Variants in MECOM observed in about 807,000 individuals in gnomAD.
MECOM encodes the protein histone-lysine N-methyltransferase MECOM.
In MECOM, 13 loss-of-function variants were observed where a neutral mutation model predicts 116.3. The observed-to-expected ratio is 0.11, with a 90% confidence interval of 0.07 to 0.18. MECOM has a LOEUF of 0.18. Among genes scored for constraint, MECOM ranks in the 10% least tolerant of loss-of-function variants. The pLI, the probability that MECOM is intolerant of heterozygous loss-of-function variation, is 1.00. For synonymous variants in MECOM, 528 were observed against 535.2 expected (o/e 0.99, Z 0.19); for missense variants, 1,299 against 1,509.0 (o/e 0.86, Z 2.31).
At chr3:169,587,798 G>C (rs9883494) in intron 1 of MECOM, among the ~76,000 whole-genome samples, 2 of 151,756 alleles carry the variant, frequency 1.3e-5, no homozygotes, top group Admixed American at 1.3e-4. Flanking sequence ...TTCCAGTTGC[G>C]TCTCCATGTC....
intron 2 of MECOM, among the ~76,000 whole-genome samples, chr3:169,349,434 AC>A (rs753660994): frequency 1.1e-4 from 17 of 151,894 alleles, no homozygotes; most frequent in African/African-American, 4.1e-4. Context: ...TCCTATGGAT[AC>A]AGGTATGCAT....
At chr3:169,310,898 C>A (rs1346127042) in intron 2 of MECOM, among the ~76,000 whole-genome samples, 1 of 152,200 alleles carries the variant, frequency 6.6e-6, no homozygotes, top group African/African-American at 2.4e-5. Context: ...ACATGACCTG[C>A]AGCCTCTATC....
chr3:169,596,903 T>C (rs747149742), intron 1 of MECOM, among the ~76,000 whole-genome samples: 3 of 152,182 alleles, frequency 2.0e-5, no homozygotes, highest in Non-Finnish European at 4.4e-5. Flanking sequence ...TCAAACACAT[T>C]AGCATTTTTT....
At chr3:169,461,697 C>T (rs541727217) in intron 1 of MECOM, among the ~76,000 whole-genome samples, 10 of 152,164 alleles carry the variant, frequency 6.6e-5, no homozygotes, top group East Asian at 5.8e-4. Context: ...AAGTTATAGA[C>T]GCATATAAGT....
intron 1 of MECOM, among the ~76,000 whole-genome samples, chr3:169,431,528 A>G (rs1325387795): frequency 6.6e-6 from 1 of 152,222 alleles, no homozygotes; most frequent in Non-Finnish European, 1.5e-5. Flanking sequence ...ACCACAAGAA[A>G]AAAAAGCCCT....
chr3:169,371,824 G>T (rs1371831179), intron 2 of MECOM, among the ~76,000 whole-genome samples: 1 of 151,986 alleles, frequency 6.6e-6, no homozygotes, highest in Non-Finnish European at 1.5e-5. Context: ...TCTTAGAAGT[G>T]CAATGTTGCT....
chr3:169,408,433 C>G (rs1230051406), intron 1 of MECOM, among the ~76,000 whole-genome samples: 1 of 152,216 alleles, frequency 6.6e-6, no homozygotes, highest in African/African-American at 2.4e-5. Context: ...GGCCTTCCTG[C>G]TCCTTCAATT....
chr3:169,205,212 C>T (rs1339470504), intron 2 of MECOM, among the ~76,000 whole-genome samples: 2 of 152,022 alleles, frequency 1.3e-5, no homozygotes, highest in Admixed American at 1.3e-4. Context: ...AGTTATAAAC[C>T]CCTCAAAAAC....
At chr3:169,282,434 A>G (rs1432406463) in intron 2 of MECOM, among the ~76,000 whole-genome samples, 3 of 152,332 alleles carry the variant, frequency 2.0e-5, no homozygotes, top group Non-Finnish European at 2.9e-5. Context: ...GGAGAAGATA[A>G]CATGTCTGTG....
At chr3:169,615,561 TCA>T (rs1233727972) in intron 1 of MECOM, among the ~76,000 whole-genome samples, 2 of 152,180 alleles carry the variant, frequency 1.3e-5, no homozygotes, top group East Asian at 3.9e-4. Context: ...AGATTACTCC[TCA>T]CACACACACC....
At chr3:169,273,496 C>T (rs1020923514) in intron 2 of MECOM, among the ~76,000 whole-genome samples, 1 of 152,164 alleles carries the variant, frequency 6.6e-6, no homozygotes, top group Non-Finnish European at 1.5e-5. Flanking sequence ...CCCCCATCAA[C>T]ACTAAAACTA....
chr3:169,591,934 C>T (rs747720954), intron 1 of MECOM, among the ~76,000 whole-genome samples: 1 of 152,074 alleles, frequency 6.6e-6, no homozygotes. Flanking sequence ...CTCATAAAAT[C>T]AATGCTGTTG....
chr3:169,163,515 G>A (rs370847082), intron 2 of MECOM, among the ~76,000 whole-genome samples: 7 of 152,096 alleles, frequency 4.6e-5, no homozygotes, highest in African/African-American at 1.7e-4. Flanking sequence ...AGAAAGCTTA[G>A]TATACATCAT....
chr3:169,563,564 G>T (rs1762900753), intron 1 of MECOM, among the ~76,000 whole-genome samples: 1 of 152,150 alleles, frequency 6.6e-6, no homozygotes, highest in South Asian at 2.1e-4. Context: ...AATTTGGAAA[G>T]TGGAGCAAAT....
chr3:169,153,528 C>T (rs892588568), intron 2 of MECOM, among the ~76,000 whole-genome samples: 1 of 152,106 alleles, frequency 6.6e-6, no homozygotes, highest in African/African-American at 2.4e-5. Flanking sequence ...ATAAGGAATT[C>T]ATTTTTCATT....
At chr3:169,472,737 AGG>A (rs1323996544) in intron 1 of MECOM, among the ~76,000 whole-genome samples, 14 of 148,064 alleles carry the variant, frequency 9.5e-5, no homozygotes, top group African/African-American at 3.2e-4. Context: ...GAAGGAAGGA[AGG>A]AAGGAAGGAA....
intron 1 of MECOM, among the ~76,000 whole-genome samples, chr3:169,485,914 T>TATATA (rs1560340092): frequency 0.053 from 3,281 of 61,606 alleles, 102 homozygotes; most frequent in East Asian, 0.16. Context: ...TATATATGTA[T>TATATA]GTATATATAG....
intron 1 of MECOM, among the ~76,000 whole-genome samples, chr3:169,662,653 C>T (rs1165902577): frequency 2.0e-5 from 3 of 151,370 alleles, no homozygotes; most frequent in Admixed American, 6.6e-5. Context: ...CGCAGCGCCG[C>T]GCCGGAGAGC....
intron 1 of MECOM, among the ~76,000 whole-genome samples, chr3:169,602,493 C>T (rs866419326): frequency 2.6e-5 from 4 of 152,240 alleles, no homozygotes; most frequent in East Asian, 3.9e-4. Context: ...TTGGCCCAGG[C>T]GATTCTTTGT....
Sources: allele counts gnomAD v4.1 joint callset (sites outside exome capture counted in the v4.1 genomes callset), GRCh38; gene constraint gnomAD v4.1.1; transcripts MANE v1.5; gene names NCBI Gene and HGNC (gene_info 2026-07-23, HGNC 2026-07-21).